The following SLC35F3 variants were observed in gnomAD, a reference collection of about 807,000 sequenced individuals.
The protein encoded by SLC35F3 is solute carrier family 35 member F3, also known as putative thiamine transporter SLC35F3.
A neutral mutation model predicts 49.9 loss-of-function variants in SLC35F3; 25 were observed. That is an observed-to-expected ratio of 0.50 (90% confidence interval 0.37 to 0.70). The LOEUF (loss-of-function observed/expected upper bound fraction) is 0.70, where lower values mean the gene tolerates loss of function less well. Among genes scored for constraint, SLC35F3 ranks in the 30% least tolerant of loss-of-function variants. The pLI is 0.00. For synonymous variants in SLC35F3, 275 were observed against 265.4 expected, an observed-to-expected ratio of 1.04 and a Z score of -0.35; for missense variants, 525 against 639.8, an observed-to-expected ratio of 0.82 and a Z score of 1.94.
chr1:234,130,604 G>A (rs1038693826), intron 2 of SLC35F3, among the ~76,000 whole-genome samples: 5 of 145,760 alleles, frequency 3.4e-5, no homozygotes, highest in Admixed American at 7.0e-5. Flanking sequence ...TCGTGCCACT[G>A]CACTCCAGCC....
chr1:234,134,636 T>C (rs1419337786), intron 2 of SLC35F3, among the ~76,000 whole-genome samples: 1 of 152,034 alleles, frequency 6.6e-6, no homozygotes, highest in East Asian at 1.9e-4. Context: ...CCAGAAAGGT[T>C]TGGAAAATGA....
chr1:234,177,045 T>C (rs1666486857), intron 2 of SLC35F3, among the ~76,000 whole-genome samples: 2 of 152,230 alleles, frequency 1.3e-5, no homozygotes, highest in African/African-American at 4.8e-5. Context: ...CCACATGTCA[T>C]GGGAGGAACC....
chr1:234,144,476 A>G (rs879532798), intron 2 of SLC35F3, among the ~76,000 whole-genome samples: 2 of 152,144 alleles, frequency 1.3e-5, no homozygotes, highest in Non-Finnish European at 2.9e-5. Context: ...CCTCTCACTG[A>G]TGGCTTTCAT....
chr1:234,317,845 A>G (rs1294644263), intron 5 of SLC35F3, among the ~76,000 whole-genome samples: 1 of 152,232 alleles, frequency 6.6e-6, no homozygotes, highest in Non-Finnish European at 1.5e-5. Context: ...AATGAGAAGC[A>G]AAAAACAGGG....
chr1:234,011,965 G>A (rs913055317), intron 2 of SLC35F3, among the ~76,000 whole-genome samples: 1 of 152,080 alleles, frequency 6.6e-6, no homozygotes, highest in Non-Finnish European at 1.5e-5. Flanking sequence ...CACGGGCACC[G>A]GTCTCTGAGT....
intron 2 of SLC35F3, among the ~76,000 whole-genome samples, chr1:234,220,866 G>GA (rs1373863195): frequency 3.3e-5 from 5 of 152,168 alleles, no homozygotes; most frequent in Non-Finnish European, 7.3e-5. Flanking sequence ...TAGAAAAGTT[G>GA]AGTTTGAGGC....
chr1:234,297,905 T>C (rs1453673434), intron 3 of SLC35F3, among the ~76,000 whole-genome samples: 1 of 152,196 alleles, frequency 6.6e-6, no homozygotes, highest in Non-Finnish European at 1.5e-5. Flanking sequence ...GTAGAGTGCC[T>C]ATAGCTACTC....
At chr1:234,301,109 T>C (rs957776305) in intron 3 of SLC35F3, among the ~76,000 whole-genome samples, 31 of 152,180 alleles carry the variant, frequency 2.0e-4, no homozygotes, top group Admixed American at 1.8e-3. Flanking sequence ...CATCTGGGAA[T>C]GTCCAGGCAA....
At chr1:234,079,013 G>A (rs1222594499) in intron 2 of SLC35F3, among the ~76,000 whole-genome samples, 2 of 152,180 alleles carry the variant, frequency 1.3e-5, no homozygotes, top group East Asian at 3.8e-4. Context: ...ACACTGAAAA[G>A]CCTAAATAAT....
chr1:233,976,051 A>G (rs999976808), intron 2 of SLC35F3, among the ~76,000 whole-genome samples: 2 of 152,168 alleles, frequency 1.3e-5, no homozygotes, highest in Non-Finnish European at 2.9e-5. Flanking sequence ...AAAAAAGAAA[A>G]TATGCTGGGT....
chr1:234,066,190 A>G (rs1664614331), intron 2 of SLC35F3, among the ~76,000 whole-genome samples: 1 of 152,190 alleles, frequency 6.6e-6, no homozygotes, highest in African/African-American at 2.4e-5. Context: ...GCACTGAGTT[A>G]CTAGGACCGT....
intron 2 of SLC35F3, among the ~76,000 whole-genome samples, chr1:233,954,099 C>T (rs994124110): frequency 6.6e-6 from 1 of 152,050 alleles, no homozygotes; most frequent in African/African-American, 2.4e-5. Context: ...CTCCACCTCC[C>T]GGGTTCAAGC....
intron 2 of SLC35F3, among the ~76,000 whole-genome samples, chr1:233,943,123 A>G (rs1032617264): frequency 2.0e-5 from 3 of 152,248 alleles, no homozygotes; most frequent in Non-Finnish European, 4.4e-5. Context: ...GAAATAGCCA[A>G]ACATCATTTC....
At chr1:234,041,715 T>C (rs777898694) in intron 2 of SLC35F3, among the ~76,000 whole-genome samples, 2 of 152,204 alleles carry the variant, frequency 1.3e-5, no homozygotes, top group African/African-American at 4.8e-5. Context: ...CACAACTTAC[T>C]TGAAGGTGAA....
At chr1:234,247,100 A>C (rs512025) in intron 3 of SLC35F3, among the ~76,000 whole-genome samples, 121,843 of 152,148 alleles carry the variant, frequency 0.8, 48,960 homozygotes, top group South Asian at 0.88. Flanking sequence ...CTTGAGCACC[A>C]GCAATGGTGT....
At chr1:234,059,661 GACAT>G (rs1278667040) in intron 2 of SLC35F3, among the ~76,000 whole-genome samples, 1 of 151,184 alleles carries the variant, frequency 6.6e-6, no homozygotes, top group South Asian at 2.1e-4. Context: ...CATAGACATA[GACAT>G]AGACATAGAC....
chr1:234,205,417 C>T (rs765489289), intron 2 of SLC35F3, among the ~76,000 whole-genome samples: 4 of 152,196 alleles, frequency 2.6e-5, no homozygotes, highest in Non-Finnish European at 5.9e-5. Context: ...GCTGAGATCG[C>T]GCCAGTGCAC....
chr1:234,267,288 A>T (rs569129319), intron 3 of SLC35F3, among the ~76,000 whole-genome samples: 3 of 129,236 alleles, frequency 2.3e-5, no homozygotes, highest in Admixed American at 7.7e-5. Flanking sequence ...CTATCCACAC[A>T]GACCCGGCAA....
intron 2 of SLC35F3, among the ~76,000 whole-genome samples, chr1:234,001,539 A>T (rs1663554028): frequency 1.3e-5 from 2 of 152,176 alleles, no homozygotes. Context: ...TTCCCTCTGG[A>T]TTCTCATGAT....
Sources: allele counts gnomAD v4.1 joint callset (sites outside exome capture counted in the v4.1 genomes callset), GRCh38; gene constraint gnomAD v4.1.1; transcripts MANE v1.5; gene names NCBI Gene and HGNC (gene_info 2026-07-23, HGNC 2026-07-21).